BCL9: variants seen among roughly 807,000 people sequenced by gnomAD.
The protein encoded by BCL9 is B-cell CLL/lymphoma 9 protein.
Under a neutral mutation model 88.5 loss-of-function variants are expected in BCL9, and 25 were observed. The observed-to-expected ratio is 0.28, with a 90% confidence interval of 0.21 to 0.39. The LOEUF (loss-of-function observed/expected upper bound fraction) is 0.39, where lower values mean the gene tolerates loss of function less well. Ranked by LOEUF, BCL9 falls within the 10% of genes least tolerant of loss-of-function variation. The pLI, the probability that BCL9 is intolerant of heterozygous loss-of-function variation, is 1.00. For synonymous variants in BCL9, 711 were observed against 673.3 expected, an observed-to-expected ratio of 1.06 and a Z score of -0.87; for missense variants, 1,817 against 1,877.8, an observed-to-expected ratio of 0.97 and a Z score of 0.60.
chr1:147,595,510 TGAA>T lies in BCL9; in HGVS notation c.-477-9265_-477-9263del, dbSNP rs1320076561. On this transcript the variant is annotated intron_variant, in intron 1 of 9. Coordinates refer to ENST00000234739, the MANE Select transcript of BCL9 (RefSeq NM_004326.4). ...AAATATCTAGGAGAATGAAACAAAA[TGAA>T]GTAGTAGAAACATCCGGAATTATTG... is the stretch of plus-strand genomic sequence containing the variant. Among the ~76,000 whole-genome samples the T allele has an allele frequency of 2.0e-5, 3 of 152,228 alleles. No individual in the cohort carries two copies. In the South Asian group the frequency reaches 6.2e-4, roughly 32 times the overall value.
At chr1:147,545,460 C>T (rs1654522941) in intron 1 of BCL9, among the ~76,000 whole-genome samples, 1 of 152,122 alleles carries the variant, frequency 6.6e-6, no homozygotes, top group Admixed American at 6.5e-5. Context: ...AAACGAGGAT[C>T]TGGTCAGAGG....
chr1:147,593,772 C>T (rs782205292), intron 1 of BCL9, among the ~76,000 whole-genome samples: 14 of 152,058 alleles, frequency 9.2e-5, no homozygotes, highest in Non-Finnish European at 2.1e-4. Context: ...AAGCCCTGTA[C>T]TTAGTAGTTG....
At chr1:147,600,881 G>C (rs1375233387) in intron 1 of BCL9, among the ~76,000 whole-genome samples, 1 of 152,140 alleles carries the variant, frequency 6.6e-6, no homozygotes, top group Non-Finnish European at 1.5e-5. Flanking sequence ...TCATTGTGGG[G>C]GTCTTGGGAC....
chr1:147,592,891 A>T (rs369259516), intron 1 of BCL9, among the ~76,000 whole-genome samples: 7 of 152,214 alleles, frequency 4.6e-5, no homozygotes, highest in African/African-American at 1.2e-4. Context: ...GGGAAAAAAA[A>T]ACCTAGAGAG....
intron 7 of BCL9, 101 bp from the exon 8 acceptor site, chr1:147,618,715 T>C: frequency 1.7e-6 from 2 of 1,183,420 alleles, no homozygotes; most frequent in Non-Finnish European, 1.1e-6. Flanking sequence ...GTCAGTTAGA[T>C]TTATGTGCCT....
At chr1:147,553,100 T>C (rs17160422) in intron 1 of BCL9, among the ~76,000 whole-genome samples, 1,902 of 152,278 alleles carry the variant, frequency 0.012, 23 homozygotes, top group East Asian at 0.056. Context: ...CAGTATATTC[T>C]GGTGGTTGTT....
In BCL9 at chr1:147,620,702, T is replaced by C; in HGVS notation, c.2547T>C (p.Ser849=). The part of the protein sequence containing the change: ...RGLGRKPLDI[S]VAGSQVHSPG... Reference sequence around the variant, plus strand: ...TGGGGCGGAAGCCCTTGGATATATCTGTGGCAGGCAGCCAGGTGCATTCCC... The same window carrying C: ...TGGGGCGGAAGCCCTTGGATATATCCGTGGCAGGCAGCCAGGTGCATTCCC... The change falls in exon 8 of 10, where the codon TCT becomes TCC. Residue 849 remains serine, a synonymous_variant. Coordinates refer to ENST00000234739, the MANE Select transcript of BCL9 (RefSeq NM_004326.4). The C allele has an allele frequency of 6.2e-7, 1 of 1,614,178 alleles. No homozygotes were observed. The highest frequency in any genetic ancestry group is 8.5e-7 in the Non-Finnish European group (1 of 1,180,030).
At chr1:147,561,958 G>A (rs1348996866) in intron 1 of BCL9, among the ~76,000 whole-genome samples, 3 of 152,222 alleles carry the variant, frequency 2.0e-5, no homozygotes, top group Non-Finnish European at 2.9e-5. Flanking sequence ...GTTCTGAGAA[G>A]AGGAAGTAAA....
chr1:147,625,124 C>A lies in BCL9; in HGVS notation c.*165C>A. 1 of 735,612 alleles carries A rather than the reference C, an allele frequency of 1.4e-6. No homozygotes were observed. The highest frequency in any genetic ancestry group is 2.0e-6 in the Non-Finnish European group (1 of 495,276). The allele number at this position is 735,612 out of a possible 1,614,324, so 45.6% of individuals were successfully genotyped here. A position where few individuals can be genotyped will look rare whatever the true frequency, so the allele number is the denominator to read the frequency against. The stretch of plus-strand genomic sequence containing the variant: ...GGAACTCGAGAATGTATGGATTTAC[C>A]TGAAAACAAATTATTCATTTAATCA... On this transcript the variant is annotated 3_prime_UTR_variant, in exon 10 of 10. Coordinates refer to ENST00000234739, the MANE Select transcript of BCL9 (RefSeq NM_004326.4).
Position 147,618,982 on chromosome 1 carries a change from G to T in BCL9, c.827G>T (p.Arg276Leu), listed in dbSNP as rs782351440. Residue 276 changes from arginine to leucine, a missense_variant, in exon 8 of 10, where the codon CGG becomes CTG. Coordinates refer to ENST00000234739, the MANE Select transcript of BCL9 (RefSeq NM_004326.4). ...KPAAPPRPLD[R>L]ESPGVENKLI... ...GCCGCACCCCCACGTCCCCTGGACC[G>T]GGAGAGTCCTGGGGTAGAAAACAAA... The T allele has an allele frequency of 1.9e-6, 3 of 1,612,760 alleles. No homozygotes were observed. The highest frequency in any genetic ancestry group is 1.3e-5 in the African/African-American group (1 of 74,852).
rs781834163 is a variant in BCL9 at position 147,619,119 on chromosome 1, A to G, written c.964A>G (p.Asn322Asp). The part of the protein sequence containing the change: ...RAVTPVSQGS[N>D]SSSADPKAPP... ...AGTGACCCCTGTCTCCCAGGGGAGC[A>G]ATAGCTCTTCAGCAGATCCCAAAGC... The change falls in exon 8 of 10, where the codon AAT becomes GAT. Residue 322 changes from asparagine to aspartate, a missense_variant. Physicochemically the swap from Asn to Asp is conservative, Grantham distance 23. Transcript: ENST00000234739. This position sits in a 1 kb window ranked among gnomAD's most constrained non-coding sequence, Gnocchi z 4.1. The G allele has an allele frequency of 6.2e-7, 1 of 1,613,886 alleles. No individual in the cohort carries two copies. The highest frequency in any genetic ancestry group is 8.5e-7 in the Non-Finnish European group (1 of 1,179,906).
chr1:147,595,886 G>T (rs1553200407), intron 1 of BCL9, among the ~76,000 whole-genome samples: 1 of 152,098 alleles, frequency 6.6e-6, no homozygotes, highest in Non-Finnish European at 1.5e-5. Flanking sequence ...GGAAGGATCA[G>T]GATCATTATG....
chr1:147,559,107 GT>G (rs1215288819), intron 1 of BCL9, among the ~76,000 whole-genome samples: 2 of 139,958 alleles, frequency 1.4e-5, no homozygotes, highest in African/African-American at 5.4e-5. Context: ...TATTTTGAAG[GT>G]TTTTTCTTTC....
Position 147,604,903 on chromosome 1 carries a change from T to C in BCL9, c.-351T>C, listed in dbSNP as rs1256589039. ...TGTAGAAGAAATAGCAAATTGGACA[T>C]ATTGAAAGGTAAAGAATATTCTGAT... On this transcript the variant is annotated 5_prime_UTR_variant, in exon 2 of 10. Coordinates refer to ENST00000234739, the MANE Select transcript of BCL9 (RefSeq NM_004326.4). 1.3e-5 allele frequency: 2 copies of C among 152,204 alleles called. No homozygotes were observed. The highest frequency in any genetic ancestry group is 4.8e-5 in the African/African-American group (2 of 41,444). The allele number at this position is 152,204 out of a possible 1,614,324, so 9.4% of individuals were successfully genotyped here. A position where few individuals can be genotyped will look rare whatever the true frequency, so the allele number is the denominator to read the frequency against.
chr1:147,559,480 A>T (rs1446618985), intron 1 of BCL9, among the ~76,000 whole-genome samples: 3 of 152,208 alleles, frequency 2.0e-5, no homozygotes, highest in Non-Finnish European at 4.4e-5. Flanking sequence ...TGTTTAGGTT[A>T]GGCAAGCCAA....
chr1:147,600,190 C>CGCCGCCGCCGCCGCT (rs1474542609), intron 1 of BCL9: 1 of 159,534 alleles, frequency 6.3e-6, no homozygotes, highest in Non-Finnish European at 1.3e-5. Flanking sequence ...AGTGGGACGG[C>CGCCGCCGCCGCCGCT]GCCGCCGCCG....
chr1:147,556,490 C>T (rs957700064), intron 1 of BCL9, among the ~76,000 whole-genome samples: 4 of 151,718 alleles, frequency 2.6e-5, no homozygotes, highest in South Asian at 4.2e-4. Context: ...CTCCCTCTGT[C>T]GCCCAGGCTG....
At chr1:147,616,494 G>A (rs1043847318) in intron 7 of BCL9, among the ~76,000 whole-genome samples, 1 of 152,080 alleles carries the variant, frequency 6.6e-6, no homozygotes, top group Non-Finnish European at 1.5e-5. Flanking sequence ...GTGGCCGGGC[G>A]TGGTGGCTCA....
chr1:147,560,801 C>T (rs1247728780), intron 1 of BCL9, among the ~76,000 whole-genome samples: 4 of 151,960 alleles, frequency 2.6e-5, no homozygotes, highest in Non-Finnish European at 2.9e-5. Context: ...AACAAGGCAT[C>T]GTTACTTCAT....
Sources: allele counts gnomAD v4.1 joint callset (sites outside exome capture counted in the v4.1 genomes callset), GRCh38; gene constraint gnomAD v4.1.1; non-coding constraint Gnocchi (gnomAD v3.1); transcripts MANE v1.5; gene names NCBI Gene and HGNC (gene_info 2026-07-23, HGNC 2026-07-21).